POLQ: variants seen among roughly 807,000 people sequenced by gnomAD.
The protein encoded by POLQ is epididymis secretory sperm binding protein.
Under a neutral mutation model 259.2 loss-of-function variants are expected in POLQ, and 233 were observed. The ratio of observed to expected loss-of-function variants is 0.90; its 90% CI spans 0.81 to 1.00. The LOEUF is 1.00. POLQ is among the 50% of genes least tolerant of loss of function. The pLI is 0.00. For synonymous variants in POLQ, 1,025 were observed against 1,048.8 expected, an observed-to-expected ratio of 0.98 and a Z score of 0.44; for missense variants, 2,871 against 3,051.6, an observed-to-expected ratio of 0.94 and a Z score of 1.39.
intron 18 of POLQ, among the ~76,000 whole-genome samples, chr3:121,482,466 G>T (rs1364892567): frequency 2.0e-5 from 3 of 151,172 alleles, no homozygotes; most frequent in Non-Finnish European, 2.9e-5. Flanking sequence ...GTTGCAGTGA[G>T]CCGAGATTGC....
intron 12 of POLQ, among the ~76,000 whole-genome samples, chr3:121,504,396 A>G (rs1193750976): frequency 6.6e-6 from 1 of 152,274 alleles, no homozygotes. Flanking sequence ...TAAATTCATC[A>G]TCAAAACATT....
chr3:121,434,570 G>A (rs756350486), intron 28 of POLQ, among the ~76,000 whole-genome samples: 12 of 152,098 alleles, frequency 7.9e-5, no homozygotes, highest in Non-Finnish European at 1.6e-4. Context: ...TACACACATA[G>A]TCCCACACTG....
intron 9 of POLQ, among the ~76,000 whole-genome samples, chr3:121,513,672 A>AC (rs962987780): frequency 1.4e-5 from 2 of 147,860 alleles, no homozygotes; most frequent in Admixed American, 1.4e-4. Context: ...AGGCTTTACT[A>AC]CCCCCCTCCC....
At chr3:121,451,076 G>T (rs750643682) in intron 25 of POLQ, among the ~76,000 whole-genome samples, 2 of 151,986 alleles carry the variant, frequency 1.3e-5, no homozygotes, top group Non-Finnish European at 2.9e-5. Flanking sequence ...CCAGTTGATC[G>T]AATTGGCTAC....
rs148644354 is a variant in POLQ, at chr3:121,489,033, T to C, written c.3898A>G (p.Thr1300Ala). The C allele has an allele frequency of 5.4e-5, 87 of 1,613,176 alleles. No individual in the cohort carries two copies. The African/African-American group carries it at 1.1e-3, about 20-fold the overall frequency. The change falls in exon 16 of 30, where the codon ACA becomes GCA. Residue 1300 changes from threonine (T) to alanine (A), a missense_variant. Thr to Ala is a moderately conservative substitution (Grantham distance 58). Transcript: ENST00000264233. ...ACATGATTATTTTTAGTTTTGTTTGTTGTATAAGTACCTGTTTTTTCTTGT... is the reference window on the plus strand; with the variant it reads ...ACATGATTATTTTTAGTTTTGTTTGCTGTATAAGTACCTGTTTTTTCTTGT... ...RLQEKTGTYT[T>A]NKTKNNHVSD...
At chr3:121,540,553 T>C (rs1049880526) in intron 3 of POLQ, among the ~76,000 whole-genome samples, 1 of 152,234 alleles carries the variant, frequency 6.6e-6, no homozygotes, top group Non-Finnish European at 1.5e-5. Context: ...CTATTAGTCA[T>C]TTTTGCAGAA....
chr3:121,539,906 C>T (rs1361273601), intron 3 of POLQ, among the ~76,000 whole-genome samples: 6 of 151,996 alleles, frequency 3.9e-5, no homozygotes, highest in African/African-American at 7.2e-5. Flanking sequence ...CATTTTTAAT[C>T]TAATAAATAG....
intron 5 of POLQ, 137 bp downstream of exon 5, chr3:121,536,963 A>G (rs1475259539): frequency 5.0e-6 from 3 of 601,054 alleles, no homozygotes; most frequent in South Asian, 2.2e-5. Context: ...GAACAAAAAC[A>G]AACTACTATA....
intron 20 of POLQ, among the ~76,000 whole-genome samples, chr3:121,475,088 G>A (rs1263649705): frequency 6.6e-6 from 1 of 152,086 alleles, no homozygotes; most frequent in South Asian, 2.1e-4. Flanking sequence ...TCACCCTTGT[G>A]TACAATAAAT....
intron 12 of POLQ, among the ~76,000 whole-genome samples, chr3:121,502,029 T>C (rs979380243): frequency 2.0e-5 from 3 of 149,072 alleles, no homozygotes; most frequent in African/African-American, 7.4e-5. Context: ...TAAAGAAAGC[T>C]CTTCAGGTTG....
intron 21 of POLQ, 103 bp downstream of exon 21, chr3:121,473,247 A>G: frequency 9.6e-7 from 1 of 1,038,242 alleles, no homozygotes; most frequent in South Asian, 1.9e-5. Context: ...GGTAAATTCA[A>G]ATGGTAGGCT....
chr3:121,436,687 A>G (rs1167712420), intron 27 of POLQ, among the ~76,000 whole-genome samples: 1 of 152,014 alleles, frequency 6.6e-6, no homozygotes, highest in Admixed American at 6.6e-5. Flanking sequence ...GGAATGTCCT[A>G]AGCACACCCT....
intron 24 of POLQ, among the ~76,000 whole-genome samples, chr3:121,461,554 C>T (rs144779870): frequency 5.3e-5 from 8 of 150,656 alleles, no homozygotes; most frequent in East Asian, 2.0e-4. Context: ...GGGAGGCTGA[C>T]GCTGGAGAAT....
intron 28 of POLQ, among the ~76,000 whole-genome samples, chr3:121,435,657 A>G (rs1047641545): frequency 1.3e-5 from 2 of 152,228 alleles, no homozygotes; most frequent in Non-Finnish European, 2.9e-5. Context: ...ATCATCCCAG[A>G]CTGTACAGAG....
rs1474208137 is a variant in POLQ at position 121,460,042 on chromosome 3, A to G, written c.7152+8T>C. On this transcript the variant is annotated splice_region_variant and intron_variant, in intron 25 of 29. Coordinates refer to ENST00000264233, the MANE Select transcript of POLQ (RefSeq NM_199420.4). ...CTCCTTTATATTAACCATGTTCACT[A>G]AAATCACCTGTTTTGCCTGCTGCCT... The G allele has an allele frequency of 1.2e-6, 2 of 1,608,200 alleles. No homozygotes were observed. Among genetic ancestry groups the G allele is most frequent in the Non-Finnish European group, 1.7e-6 (2 of 1,174,850 alleles).
chr3:121,447,202 G>A (rs528301730), intron 26 of POLQ, among the ~76,000 whole-genome samples: 11 of 126,942 alleles, frequency 8.7e-5, no homozygotes, highest in African/African-American at 2.3e-4. Context: ...AAAGAGTCTC[G>A]CCCTGTCTCC....
In POLQ at chr3:121,488,265, T is replaced by C. The variant is rs748833863; in HGVS notation, c.4666A>G (p.Ile1556Val). 6.2e-7 allele frequency: 1 copy of C among 1,612,902 alleles called. No homozygotes were observed. Among genetic ancestry groups the C allele is most frequent in the South Asian group, 1.1e-5 (1 of 90,868 alleles). ...QQLTCSNDES[I>V]IFSEMDSVQM... is the part of the protein sequence containing the mutation. ...ACAGAATCCATTTCTGAAAATATAA[T>C]AGATTCATCATTGGAACAAGTCAAC... is the stretch of plus-strand genomic sequence containing the variant. Residue 1556 changes from isoleucine to valine, a missense_variant, in exon 16 of 30, where the codon ATT becomes GTT. Physicochemically the swap from Ile to Val is conservative, Grantham distance 29 (BLOSUM62 3). Transcript: ENST00000264233.
At chr3:121,434,973 A>G (rs559635627) in intron 28 of POLQ, among the ~76,000 whole-genome samples, 39 of 152,166 alleles carry the variant, frequency 2.6e-4, no homozygotes, top group Non-Finnish European at 5.3e-4. Context: ...CCTGGACAAC[A>G]TGGTGAAACC....
At chr3:121,433,955 A>C (rs1284740073) in intron 28 of POLQ, among the ~76,000 whole-genome samples, 2 of 152,234 alleles carry the variant, frequency 1.3e-5, no homozygotes, top group Non-Finnish European at 2.9e-5. Context: ...GCTCTCACAC[A>C]GTAAGCAAAC....
Sources: gnomAD v4.1 joint callset for allele counts (sites outside exome capture counted in the v4.1 genomes callset) on GRCh38, gnomAD v4.1.1 for gene constraint, MANE v1.5 for transcripts, NCBI Gene and HGNC (gene_info 2026-07-23, HGNC 2026-07-21) for gene names.